Variants in CFAP96 observed in about 807,000 individuals in gnomAD.
CFAP96 encodes the protein cilia-and flagella-associated protein 96.
At chr4:185,410,945 C>CAAAA in the CFAP96 span, among the ~76,000 whole-genome samples, 5 of 113,910 alleles carry the variant, frequency 4.4e-5, no homozygotes, top group East Asian at 2.4e-4. Context: ...GACTCCATCT[C>CAAAA]AAAAAAAAAA....
the CFAP96 span, chr4:185,445,440 T>A: frequency 1.7e-6 from 2 of 1,148,640 alleles, no homozygotes; most frequent in Non-Finnish European, 2.6e-6. Context: ...CATAGTTCAG[T>A]TAGCAGTACA....
At chr4:185,432,586 G>A in the CFAP96 span, among the ~76,000 whole-genome samples, 1 of 152,078 alleles carries the variant, frequency 6.6e-6, no homozygotes, top group Non-Finnish European at 1.5e-5. Context: ...TATGAGGCTG[G>A]GTGCAGTGGC....
the CFAP96 span, among the ~76,000 whole-genome samples, chr4:185,448,825 TC>T: frequency 4.6e-5 from 7 of 152,138 alleles, no homozygotes; most frequent in African/African-American, 1.7e-4. Context: ...TCCTCTTCTA[TC>T]CAGAGAATAA....
At chr4:185,415,375 A>G in the CFAP96 span, 1 of 1,520,278 alleles carries the variant, frequency 6.6e-7, no homozygotes, top group South Asian at 1.3e-5. Flanking sequence ...TAAGTGTATT[A>G]ACAAAAGTTA....
At chr4:185,435,048 C>T in the CFAP96 span, among the ~76,000 whole-genome samples, 7 of 152,312 alleles carry the variant, frequency 4.6e-5, no homozygotes, top group East Asian at 9.6e-4. Flanking sequence ...CCCCCGGAAC[C>T]GTAGGCATTT....
chr4:185,436,175 T>C, the CFAP96 span: 1 of 1,540,242 alleles, frequency 6.5e-7, no homozygotes, highest in Middle Eastern at 1.7e-4. Flanking sequence ...AGAAAGGAAC[T>C]GGATATGGGT....
the CFAP96 span, among the ~76,000 whole-genome samples, chr4:185,446,328 A>G: frequency 1.2e-3 from 186 of 152,350 alleles, 1 homozygote; most frequent in African/African-American, 3.9e-3. Context: ...AGAAGACTTC[A>G]TAGTAAGTTG....
chr4:185,431,958 A>C, the CFAP96 span: 1 of 1,501,148 alleles, frequency 6.7e-7, no homozygotes, highest in East Asian at 2.5e-5. Flanking sequence ...TCAAAATTAT[A>C]ATATGCCTAA....
chr4:185,415,420 A>G, the CFAP96 span: 1 of 1,287,706 alleles, frequency 7.8e-7, no homozygotes, highest in Non-Finnish European at 1.0e-6. Context: ...CAGAGCTAAT[A>G]TATCCTTAGT....
the CFAP96 span, among the ~76,000 whole-genome samples, chr4:185,420,963 T>C: frequency 4.8e-4 from 73 of 152,362 alleles, no homozygotes; most frequent in African/African-American, 1.6e-3. Context: ...TAGTAAAGTA[T>C]GTTTTCAGTT....
At chr4:185,425,942 A>G in the CFAP96 span, 1 of 1,538,608 alleles carries the variant, frequency 6.5e-7, no homozygotes, top group Non-Finnish European at 8.8e-7. Context: ...AAGTGGTGTC[A>G]CCGCACGGCC....
the CFAP96 span, among the ~76,000 whole-genome samples, chr4:185,428,436 G>C: frequency 6.6e-6 from 1 of 151,782 alleles, no homozygotes; most frequent in African/African-American, 2.4e-5. Flanking sequence ...AGCTGGGCAT[G>C]GTGGCGCGTG....
the CFAP96 span, among the ~76,000 whole-genome samples, chr4:185,428,299 C>T: frequency 4.0e-4 from 61 of 151,974 alleles, no homozygotes; most frequent in Admixed American, 1.4e-3. Context: ...TCTGGCCGGG[C>T]GCGGTGGCTC....
At chr4:185,426,611 GC>G in the CFAP96 span, among the ~76,000 whole-genome samples, 10 of 152,210 alleles carry the variant, frequency 6.6e-5, no homozygotes, top group Non-Finnish European at 1.5e-4. Flanking sequence ...TAAGCTCCTT[GC>G]GGGCAGCATC....
the CFAP96 span, among the ~76,000 whole-genome samples, chr4:185,422,019 C>G: frequency 6.6e-6 from 1 of 152,156 alleles, no homozygotes; most frequent in Non-Finnish European, 1.5e-5. Flanking sequence ...GGCTGTAGTT[C>G]AAGTCAGCAA....
At chr4:185,436,219 T>A in the CFAP96 span, 1 of 1,544,486 alleles carries the variant, frequency 6.5e-7, no homozygotes, top group Non-Finnish European at 8.7e-7. Flanking sequence ...TATCGTTTGT[T>A]TTGAAATTTA....
chr4:185,408,587 A>G, the CFAP96 span: 1 of 831,560 alleles, frequency 1.2e-6, no homozygotes, highest in Non-Finnish European at 1.8e-6. Flanking sequence ...GTTTAACATT[A>G]TACCTTCTTG....
the CFAP96 span, chr4:185,440,554 G>T: frequency 1.3e-6 from 2 of 1,517,664 alleles, no homozygotes; most frequent in African/African-American, 1.4e-5. Flanking sequence ...CGAATGAAGA[G>T]CACCATCGTT....
At chr4:185,413,969 A>G in the CFAP96 span, 2 of 1,158,518 alleles carry the variant, frequency 1.7e-6, no homozygotes, top group Admixed American at 3.3e-5. Context: ...AAAATTATAT[A>G]TAGGTTATAA....
Sources: gnomAD v4.1 joint callset for allele counts (sites outside exome capture counted in the v4.1 genomes callset) on GRCh38, gnomAD v4.1.1 for gene constraint, MANE v1.5 for transcripts, NCBI Gene and HGNC (gene_info 2026-07-23, HGNC 2026-07-21) for gene names.